Variants in LPA observed in about 807,000 individuals in gnomAD.
LPA encodes apolipoprotein(a).
Under a neutral mutation model 197.9 loss-of-function variants are expected in LPA, and 199 were observed. That is an observed-to-expected ratio of 1.01 (90% CI 0.90 to 1.13). The LOEUF is 1.13. Ranked by LOEUF, LPA falls within the 50% of genes most tolerant of loss-of-function variation. The probability of loss-of-function intolerance (pLI) is 0.00; values close to 1 mark genes in which losing one functional copy is unlikely to be tolerated. For synonymous variants in LPA, 715 were observed against 639.5 expected, an observed-to-expected ratio of 1.12 and a Z score of -1.78; for missense variants, 1,853 against 1,785.8, an observed-to-expected ratio of 1.04 and a Z score of -0.68.
At chr6:160,565,948 A>G (rs1778445612) in intron 28 of LPA, among the ~76,000 whole-genome samples, 1 of 152,232 alleles carries the variant, frequency 6.6e-6, no homozygotes, top group African/African-American at 2.4e-5. Context: ...GATCAAATGA[A>G]TGAAATGAAG....
At chr6:160,663,438 G>C (rs1291554087) in intron 1 of LPA, among the ~76,000 whole-genome samples, 1 of 152,086 alleles carries the variant, frequency 6.6e-6, no homozygotes, top group Admixed American at 6.5e-5. Flanking sequence ...TTATAAAATG[G>C]GGATGACTAT....
In LPA at chr6:160,633,880, A is replaced by C. The variant is rs748086146; in HGVS notation, c.1108T>G (p.Cys370Gly). The C allele has an allele frequency of 1.5e-4, 209 of 1,425,808 alleles. 16 individuals are homozygous for C. The highest frequency in any genetic ancestry group is 2.0e-4 in the Non-Finnish European group (204 of 1,042,446). 88.3% of individuals were successfully genotyped at this position (1,425,808 alleles called of 1,614,324 possible). Residue 370 changes from cysteine to glycine, a missense_variant, in exon 8 of 39, where the codon TGC becomes GGC. Cys to Gly is a radical substitution (Grantham distance 159). Around this residue, in one of 3 missense-constraint regions of LPA, gnomAD observed 28 missense variants for 198.4 expected, o/e 0.14. Coordinates refer to ENST00000316300, the MANE Select transcript of LPA (RefSeq NM_005577.4). Reference protein sequence around the residue: ...PTEQRPGVQECYHGNGQSYRG... With the variant: ...PTEQRPGVQEGYHGNGQSYRG... ...TAACTCTGTCCATTACCGTGGTAGC[A>C]CTCCTGCACCCCAGGCCTCTGCTCA...
chr6:160,536,513 G>A (rs940560519), intron 37 of LPA, among the ~76,000 whole-genome samples: 10 of 152,256 alleles, frequency 6.6e-5, no homozygotes, highest in African/African-American at 2.2e-4. Context: ...GAGAGCTCAC[G>A]ACTTTTCTAA....
At chr6:160,657,254 A>T (rs918804436) in intron 1 of LPA, among the ~76,000 whole-genome samples, 4 of 152,140 alleles carry the variant, frequency 2.6e-5, no homozygotes, top group Non-Finnish European at 5.9e-5. Context: ...AGTAGGTCTA[A>T]AGTGACTAAT....
intron 2 of LPA, among the ~76,000 whole-genome samples, chr6:160,649,573 G>T (rs772264986): frequency 3.3e-5 from 5 of 152,016 alleles, no homozygotes; most frequent in Non-Finnish European, 7.4e-5. Context: ...GTGCAGGAAG[G>T]GTCTCCAGGA....
At chr6:160,584,517 A>T (rs1223987792) in intron 26 of LPA, among the ~76,000 whole-genome samples, 1 of 151,618 alleles carries the variant, frequency 6.6e-6, no homozygotes, top group East Asian at 1.9e-4. Flanking sequence ...TTTTTCGTAG[A>T]GATGGGGTTT....
intron 37 of LPA, among the ~76,000 whole-genome samples, chr6:160,537,431 A>G (rs1777911151): frequency 6.6e-6 from 1 of 152,222 alleles, no homozygotes; most frequent in East Asian, 1.9e-4. Flanking sequence ...GTTTTGCACC[A>G]TGTTTAGAAA....
chr6:160,609,092 T>A (rs1284980161), intron 16 of LPA, among the ~76,000 whole-genome samples: 1 of 152,190 alleles, frequency 6.6e-6, no homozygotes, highest in African/African-American at 2.4e-5. Context: ...CATCTTTTTT[T>A]AAATATTTGA....
chr6:160,611,257 G>A lies in LPA; in HGVS notation c.2603+305C>T, dbSNP rs1006831545. Among the ~76,000 whole-genome samples, 24 of 152,086 alleles carry A rather than the reference G, an allele frequency of 1.6e-4. 1 individual carries two copies. Among genetic ancestry groups the A allele is most frequent in the African/African-American group, 4.8e-5 (2 of 41,372 alleles). On this transcript the variant is annotated intron_variant, in intron 16 of 38. Coordinates refer to ENST00000316300, the MANE Select transcript of LPA (RefSeq NM_005577.4). ...TTCCAACTGGAAAGTCTTCATTGAC[G>A]CTTAGTGGGTGTTGGGCAAGGGTAA...
intron 26 of LPA, among the ~76,000 whole-genome samples, chr6:160,580,412 G>T (rs1174131135): frequency 6.6e-6 from 1 of 151,942 alleles, no homozygotes; most frequent in African/African-American, 2.4e-5. Context: ...CATTTTGGGG[G>T]GTAAATATTC....
At chr6:160,653,938 A>T (rs1355752810) in intron 1 of LPA, among the ~76,000 whole-genome samples, 2 of 60,810 alleles carry the variant, frequency 3.3e-5, no homozygotes, top group Non-Finnish European at 5.9e-5. Context: ...ATATATATAT[A>T]TTTTATATAT....
intron 32 of LPA, 24 bp from the exon 33 acceptor site, chr6:160,545,557 C>G (rs1206878018): frequency 1.8e-5 from 25 of 1,380,736 alleles, no homozygotes; most frequent in Non-Finnish European, 2.4e-5. Context: ...GGCATGTAAG[C>G]TCCAGCTCAC....
At chr6:160,560,597 G>A (rs796467266) in intron 28 of LPA, among the ~76,000 whole-genome samples, 4 of 151,962 alleles carry the variant, frequency 2.6e-5, no homozygotes, top group East Asian at 1.9e-4. Context: ...CCTGTCAGAA[G>A]TGTCTGTTCA....
rs767165360 is a variant in LPA, at chr6:160,594,026, C to A, written c.3561G>T (p.Arg1187Ser). ...TCATAGAGGACCAAGACTGACATGT[C>A]CTTCCTGTGACAGTGGTAGAGAATG... ...RGSFSTTVTGRTCQSWSSMTP... is the reference protein window; with the variant it reads ...RGSFSTTVTGSTCQSWSSMTP... Residue 1187 changes from arginine (R) to serine (S), a missense_variant, in exon 22 of 39, where the codon AGG (arginine) becomes AGT (serine). Transcript: ENST00000316300. The A allele has an allele frequency of 6.2e-7, 1 of 1,613,994 alleles. No individual in the cohort carries two copies. The highest frequency in any genetic ancestry group is 1.1e-5 in the South Asian group (1 of 91,082).
rs267600885 is a variant in LPA, at chr6:160,591,020, C to T, written c.3711G>A (p.Trp1237Ter). The T allele has an allele frequency of 6.2e-7, 1 of 1,613,966 alleles. No homozygotes were observed. The highest frequency in any genetic ancestry group is 8.5e-7 in the Non-Finnish European group (1 of 1,179,934). Reference sequence around the variant, plus strand: ...GACATTGTGTCAGGTTGCAGTACTCCCATCTGACATTGGGATCCATGGTAT... The same window carrying T: ...GACATTGTGTCAGGTTGCAGTACTCTCATCTGACATTGGGATCCATGGTAT... ...WCYTMDPNVR[W>*]EYCNLTQCPV... Residue 1237 changes from tryptophan (W) to a stop codon, truncating the protein, a stop_gained, in exon 23 of 39, where the codon TGG becomes TGA. Coordinates refer to ENST00000316300, the MANE Select transcript of LPA (RefSeq NM_005577.4). LOFTEE classifies it high-confidence loss of function.
chr6:160,587,282 A>G (rs1651357854), intron 24 of LPA, among the ~76,000 whole-genome samples: 1 of 152,164 alleles, frequency 6.6e-6, no homozygotes, highest in South Asian at 2.1e-4. Context: ...CTTTTCAAAG[A>G]ACCTAACTTT....
chr6:160,548,047 A>G (rs1778103904), intron 31 of LPA, 110 bp from the exon 32 acceptor site: 1 of 1,131,302 alleles, frequency 8.8e-7, no homozygotes. Flanking sequence ...CTAGGACGAC[A>G]GAATCAGGGG....
chr6:160,569,646 C>A (rs1050444558), intron 28 of LPA, among the ~76,000 whole-genome samples: 1 of 152,082 alleles, frequency 6.6e-6, no homozygotes, highest in Non-Finnish European at 1.5e-5. Flanking sequence ...TCTAATTAAA[C>A]TAAAGAGCTT....
chr6:160,555,455 A>ATATATATATATATATATATATATG (rs1287454419), intron 30 of LPA, among the ~76,000 whole-genome samples: 5 of 133,074 alleles, frequency 3.8e-5, no homozygotes, highest in East Asian at 2.1e-4. Context: ...ATATATATAT[A>ATATATATATATATATATATATATG]TGTGTGTGTA....
Sources: allele counts gnomAD v4.1 joint callset (sites outside exome capture counted in the v4.1 genomes callset), GRCh38; gene constraint gnomAD v4.1.1; regional missense constraint gnomAD v4.1.1; transcripts MANE v1.5; gene names NCBI Gene and HGNC (gene_info 2026-07-23, HGNC 2026-07-21).